LRRC28: variants seen among roughly 807,000 people sequenced by gnomAD.
The protein encoded by LRRC28 is leucine rich repeat containing 28.
LRRC28 carries 39 observed loss-of-function variants against 45.7 expected under a neutral mutation model. The observed-to-expected ratio is 0.85, with a 90% CI of 0.66 to 1.12. The LOEUF (loss-of-function observed/expected upper bound fraction) is 1.12. Among genes scored for constraint, LRRC28 ranks in the 50% most tolerant of loss-of-function variants. The pLI is 0.00. For synonymous variants in LRRC28, 206 were observed against 178.8 expected, an observed-to-expected ratio of 1.15 and a Z score of -1.22; for missense variants, 435 against 438.5, an observed-to-expected ratio of 0.99 and a Z score of 0.07.
chr15:99,285,491 G>T, intron 3 of LRRC28: 2 of 1,038,188 alleles, frequency 1.9e-6, no homozygotes, highest in South Asian at 1.3e-5. Context: ...TGACTCCTCA[G>T]GCTCTCATCG....
At chr15:99,312,830 T>G (rs1955461994) in intron 5 of LRRC28, among the ~76,000 whole-genome samples, 1 of 152,152 alleles carries the variant, frequency 6.6e-6, no homozygotes. Flanking sequence ...CGTAGTTATG[T>G]GGTTCATGAC....
chr15:99,317,594 T>C (rs1955642518), intron 5 of LRRC28: 1 of 152,208 alleles, frequency 6.6e-6, no homozygotes, highest in Admixed American at 6.5e-5. Context: ...TTAAAGTTAA[T>C]TTAAAAATTA....
chr15:99,274,833 T>C (rs1232699525), intron 2 of LRRC28, among the ~76,000 whole-genome samples: 1 of 152,232 alleles, frequency 6.6e-6, no homozygotes, highest in Non-Finnish European at 1.5e-5. Flanking sequence ...GCTTTTCATA[T>C]GTTGCTTCTT....
At chr15:99,317,555 T>C (rs868550393) in intron 5 of LRRC28, 1 of 152,328 alleles carries the variant, frequency 6.6e-6, no homozygotes, top group South Asian at 2.1e-4. Context: ...AGGTCAGTAG[T>C]AAAAATTATT....
chr15:99,323,382 A>ACCCC (rs1955865803), intron 5 of LRRC28, among the ~76,000 whole-genome samples: 2 of 152,202 alleles, frequency 1.3e-5, no homozygotes, highest in Non-Finnish European at 2.9e-5. Flanking sequence ...TTAAAAAATG[A>ACCCC]TTTTAGACTA....
intron 7 of LRRC28, among the ~76,000 whole-genome samples, chr15:99,356,937 T>C (rs1358118712): frequency 3.3e-5 from 5 of 152,216 alleles, no homozygotes; most frequent in Non-Finnish European, 5.9e-5. Flanking sequence ...TATAAATACA[T>C]TCTCAGAACA....
intron 2 of LRRC28, among the ~76,000 whole-genome samples, chr15:99,270,567 G>A (rs904018028): frequency 3.0e-4 from 45 of 152,094 alleles, no homozygotes; most frequent in African/African-American, 9.4e-4. Context: ...TTAGCAAAAT[G>A]TTTCCAAGGT....
intron 3 of LRRC28, among the ~76,000 whole-genome samples, chr15:99,284,143 C>G (rs923918726): frequency 2.0e-5 from 3 of 152,152 alleles, no homozygotes; most frequent in Non-Finnish European, 4.4e-5. Context: ...ATCCACTTTA[C>G]CAGTAATGGT....
chr15:99,292,985 A>G (rs903291158), intron 5 of LRRC28, among the ~76,000 whole-genome samples: 1 of 152,108 alleles, frequency 6.6e-6, no homozygotes, highest in African/African-American at 2.4e-5. Context: ...CTTCTTCCCA[A>G]CTGACTTTCA....
chr15:99,263,575 T>C (rs2081257223), intron 2 of LRRC28, among the ~76,000 whole-genome samples: 3 of 152,206 alleles, frequency 2.0e-5, no homozygotes, highest in Admixed American at 1.3e-4. Flanking sequence ...GACCATATTA[T>C]AAGAGTTCCA....
At chr15:99,381,294 A>T (rs1314297290) in intron 9 of LRRC28, among the ~76,000 whole-genome samples, 5 of 152,132 alleles carry the variant, frequency 3.3e-5, no homozygotes, top group Non-Finnish European at 4.4e-5. Context: ...ATCTTCAATC[A>T]CTGATACCCT....
At chr15:99,385,941 T>C (rs1957972981) in intron 9 of LRRC28, 89 bp from the exon 10 acceptor site, 3 of 1,205,220 alleles carry the variant, frequency 2.5e-6, no homozygotes, top group Non-Finnish European at 3.7e-6. Context: ...AATCCTCCAT[T>C]TTAACAAAGA....
chr15:99,258,072 G>A (rs970340101), intron 2 of LRRC28: 8 of 1,492,860 alleles, frequency 5.4e-6, no homozygotes, highest in Admixed American at 3.3e-5. Flanking sequence ...ACAGACACTG[G>A]TGTAGGAATG....
intron 9 of LRRC28, among the ~76,000 whole-genome samples, chr15:99,377,803 C>G (rs1308214820): frequency 6.6e-6 from 1 of 152,088 alleles, no homozygotes; most frequent in Non-Finnish European, 1.5e-5. Flanking sequence ...ATAGGGAATC[C>G]TTTCCCCATT....
chr15:99,317,979 A>G (rs1237010667), intron 5 of LRRC28, among the ~76,000 whole-genome samples: 1 of 152,214 alleles, frequency 6.6e-6, no homozygotes, highest in Non-Finnish European at 1.5e-5. Flanking sequence ...TCTGGTATGT[A>G]TTGACTGCCT....
chr15:99,261,936 C>T (rs1275837786), intron 2 of LRRC28, among the ~76,000 whole-genome samples: 1 of 152,108 alleles, frequency 6.6e-6, no homozygotes, highest in Non-Finnish European at 1.5e-5. Context: ...GGATTACAGG[C>T]GTGAGCCACT....
chr15:99,317,661 A>G lies in LRRC28; in HGVS notation c.386-16262A>G, dbSNP rs565329179. 1.3e-4 allele frequency: 20 copies of G among 152,248 alleles called. No individual in the cohort carries two copies. The East Asian group carries it at 3.3e-3, about 25-fold the overall frequency. The allele number at this position is 152,248 out of a possible 1,614,324, so 9.4% of individuals were successfully genotyped here. ...GCTTTTTGGGGTGTTGTTTTGAAAT[A>G]ATTCCTATATTTTGCTAATCTGCCA... On this transcript the variant is annotated intron_variant, in intron 5 of 9. Transcript: ENST00000301981.
chr15:99,333,446 C>T (rs759815676), intron 5 of LRRC28, among the ~76,000 whole-genome samples: 2 of 152,178 alleles, frequency 1.3e-5, no homozygotes. Context: ...ATTCTAATTT[C>T]TACTCCAGAA....
At chr15:99,319,976 T>G (rs937245334) in intron 5 of LRRC28, among the ~76,000 whole-genome samples, 6 of 152,130 alleles carry the variant, frequency 3.9e-5, no homozygotes, top group Non-Finnish European at 8.8e-5. Flanking sequence ...CTAATTTTTT[T>G]TGTACTTTTT....
Sources: allele counts gnomAD v4.1 joint callset (sites outside exome capture counted in the v4.1 genomes callset), GRCh38; gene constraint gnomAD v4.1.1; transcripts MANE v1.5; gene names NCBI Gene and HGNC (gene_info 2026-07-23, HGNC 2026-07-21).